ZPBP: variants seen among roughly 807,000 people sequenced by gnomAD.
ZPBP encodes zona pellucida-binding protein 1.
A neutral mutation model predicts 44.8 loss-of-function variants in ZPBP; 26 were observed. That is an observed-to-expected ratio of 0.58 (90% CI 0.43 to 0.81). The LOEUF is 0.81. Among genes scored for constraint, ZPBP ranks in the 30% least tolerant of loss-of-function variants. ZPBP has a pLI of 0.00. For missense variants in ZPBP, 409 were observed against 434.0 expected (o/e 0.94, Z 0.51); for synonymous variants, 174 against 153.2 (o/e 1.14, Z -1.00).
At chr7:50,068,097 G>T (rs1801625278) in intron 3 of ZPBP, among the ~76,000 whole-genome samples, 1 of 152,092 alleles carries the variant, frequency 6.6e-6, no homozygotes, top group African/African-American at 2.4e-5. Flanking sequence ...CCTTCTCCTG[G>T]TTGGCCTCTT....
intron 4 of ZPBP, among the ~76,000 whole-genome samples, chr7:50,053,564 G>A (rs1051173874): frequency 1.3e-5 from 2 of 152,162 alleles, no homozygotes; most frequent in Admixed American, 1.3e-4. Context: ...AGGAATGCTT[G>A]TTAAGTACGT....
At chr7:49,869,681 G>A (rs12532827) in intron 2 of ZPBP, among the ~76,000 whole-genome samples, 102,317 of 152,024 alleles carry the variant, frequency 0.67, 35,290 homozygotes, top group East Asian at 0.88. Flanking sequence ...AGCAAGGAAT[G>A]GCAAGGATGT....
chr7:49,927,973 T>C (rs1357514455), intron 1 of ZPBP, among the ~76,000 whole-genome samples: 1 of 152,196 alleles, frequency 6.6e-6, no homozygotes, highest in Non-Finnish European at 1.5e-5. Flanking sequence ...CATGATGAAC[T>C]TGATCCAATG....
intron 7 of ZPBP, chr7:49,944,265 G>A: frequency 2.8e-6 from 1 of 356,200 alleles, no homozygotes; most frequent in South Asian, 2.8e-5. Context: ...TATTCCAGGG[G>A]CTTAATGATC....
chr7:49,896,920 G>A (rs1198215653), intron 2 of ZPBP, among the ~76,000 whole-genome samples: 7 of 126,324 alleles, frequency 5.5e-5, no homozygotes, highest in African/African-American at 1.9e-4. Flanking sequence ...ACGGAGTCTC[G>A]CTCTGTCGCC....
At chr7:49,944,151 C>G (rs1380412477) in intron 7 of ZPBP, 1 of 273,124 alleles carries the variant, frequency 3.7e-6, no homozygotes, top group Middle Eastern at 5.1e-4. Context: ...TCCACTTCCT[C>G]TTGAAGTTTT....
Position 50,047,831 on chromosome 7 carries a change from T to C in ZPBP, c.487+10158A>G, listed in dbSNP as rs542811991. The stretch of plus-strand genomic sequence containing the variant: ...GTATGGCAATATCTCCATATCACAA[T>C]AGGTCATTAGAAGATCTGATTTGGA... On this transcript the variant is annotated intron_variant, in intron 4 of 7. Transcript: ENST00000046087. Among the ~76,000 whole-genome samples the C allele has an allele frequency of 3.3e-5, 5 of 152,096 alleles. No individual in the cohort carries two copies. In the East Asian group the frequency reaches 7.7e-4, roughly 23 times the overall value.
At chr7:49,890,733 A>AC (rs1032937967) in intron 2 of ZPBP, among the ~76,000 whole-genome samples, 6 of 9,694 alleles carry the variant, frequency 6.2e-4, no homozygotes, top group African/African-American at 2.9e-3. Flanking sequence ...AGCAAAACAA[A>AC]AAAAAAAAAA....
chr7:49,845,498 G>A (rs1327863193), downstream of ZPBP, among the ~76,000 whole-genome samples: 1 of 152,186 alleles, frequency 6.6e-6, no homozygotes, highest in Non-Finnish European at 1.5e-5. Context: ...ACACTGAAAT[G>A]TAGAATGGTG....
rs146788298 is a variant in ZPBP at position 50,068,746 on chromosome 7, A to G, written c.335-10605T>C. ...CACCTATGGAGCTTCTAACTTCTGC[A>G]ATTTATGCCTGGTATCTCCTTGGTC... is the stretch of plus-strand genomic sequence containing the variant. On this transcript the variant is annotated intron_variant, in intron 3 of 7. Coordinates refer to ENST00000046087, the MANE Select transcript of ZPBP (RefSeq NM_007009.3). Among the ~76,000 whole-genome samples, 421 of 152,266 alleles carry G rather than the reference A, an allele frequency of 2.8e-3. 1 individual carries two copies. The highest frequency in any genetic ancestry group is 9.2e-3 in the African/African-American group (382 of 41,542).
chr7:50,005,489 G>A (rs1053241623), intron 6 of ZPBP, among the ~76,000 whole-genome samples: 1 of 151,932 alleles, frequency 6.6e-6, no homozygotes, highest in East Asian at 1.9e-4. Context: ...TCAAAATATG[G>A]GAAGGTGCAG....
chr7:50,004,000 GAAT>G (rs1489325561), intron 6 of ZPBP, among the ~76,000 whole-genome samples: 1 of 151,980 alleles, frequency 6.6e-6, no homozygotes, highest in African/African-American at 2.4e-5. Context: ...AACAAAATTA[GAAT>G]AATAATAATA....
intron 1 of ZPBP, among the ~76,000 whole-genome samples, chr7:49,908,354 G>T (rs1313928608): frequency 6.6e-6 from 1 of 152,140 alleles, no homozygotes; most frequent in African/African-American, 2.4e-5. Flanking sequence ...CATTCAATTG[G>T]TGAGGGACTT....
At chr7:49,881,161 G>C (rs915866513) in intron 2 of ZPBP, among the ~76,000 whole-genome samples, 2 of 152,062 alleles carry the variant, frequency 1.3e-5, no homozygotes, top group Admixed American at 1.3e-4. Flanking sequence ...CTGAGCCTTC[G>C]GGGCTACTAG....
At chr7:49,926,837 C>T (rs891414154) in intron 1 of ZPBP, among the ~76,000 whole-genome samples, 2 of 152,394 alleles carry the variant, frequency 1.3e-5, no homozygotes, top group South Asian at 4.1e-4. Context: ...AGGCCTTAGA[C>T]TCCACTTAGC....
intron 7 of ZPBP, among the ~76,000 whole-genome samples, chr7:49,961,714 T>C (rs1795867242): frequency 6.6e-6 from 1 of 152,100 alleles, no homozygotes; most frequent in Admixed American, 6.5e-5. Context: ...CAATAAGTGT[T>C]AATAGCATAA....
chr7:50,042,149 AG>A (rs1800123662), intron 4 of ZPBP, among the ~76,000 whole-genome samples: 1 of 152,186 alleles, frequency 6.6e-6, no homozygotes, highest in Admixed American at 6.5e-5. Context: ...GAACAAACAA[AG>A]CCTCCAAGAA....
intron 1 of ZPBP, among the ~76,000 whole-genome samples, chr7:49,902,720 C>A (rs1562763697): frequency 6.6e-6 from 1 of 151,896 alleles, no homozygotes; most frequent in Non-Finnish European, 1.5e-5. Flanking sequence ...GTTAGGACAT[C>A]AAAAGCAGGA....
intron 6 of ZPBP, among the ~76,000 whole-genome samples, chr7:49,992,674 T>A (rs1215865814): frequency 6.6e-6 from 1 of 152,128 alleles, no homozygotes; most frequent in East Asian, 1.9e-4. Context: ...AGATATGATA[T>A]AATTTACATA....
Sources: gnomAD v4.1 joint callset for allele counts (sites outside exome capture counted in the v4.1 genomes callset) on GRCh38, gnomAD v4.1.1 for gene constraint, MANE v1.5 for transcripts, NCBI Gene and HGNC (gene_info 2026-07-23, HGNC 2026-07-21) for gene names.